Variants in SERPINB7 observed in about 807,000 individuals in gnomAD.
The protein encoded by SERPINB7 is serpin B7.
In SERPINB7, 31 loss-of-function variants were observed where a neutral mutation model predicts 37.4. That is an observed-to-expected ratio of 0.83 (90% CI 0.62 to 1.12). The LOEUF is 1.12. Among genes scored for constraint, SERPINB7 ranks in the 50% most tolerant of loss-of-function variants. The probability of loss-of-function intolerance (pLI) is 0.00; values close to 1 mark genes in which losing one functional copy is unlikely to be tolerated. For missense variants in SERPINB7, 521 were observed against 455.3 expected (o/e 1.14, Z -1.31); for synonymous variants, 163 against 166.1 (o/e 0.98, Z 0.14).
chr18:63,787,006 T>A (rs2049380367), intron 2 of SERPINB7, among the ~76,000 whole-genome samples: 1 of 152,158 alleles, frequency 6.6e-6, no homozygotes, highest in Non-Finnish European at 1.5e-5. Flanking sequence ...TGTTTATACA[T>A]GAGATGGGAT....
chr18:63,790,615 T>C (rs908301025), intron 2 of SERPINB7, among the ~76,000 whole-genome samples: 2 of 152,148 alleles, frequency 1.3e-5, no homozygotes, highest in African/African-American at 4.8e-5. Context: ...AGGGATAATA[T>C]CGAATATTAG....
upstream of SERPINB7, among the ~76,000 whole-genome samples, chr18:63,774,927 T>A (rs1255960873): frequency 6.6e-6 from 1 of 151,958 alleles, no homozygotes; most frequent in East Asian, 1.9e-4. Flanking sequence ...CAGATGAAAA[T>A]CTGAGATTGG....
intron 1 of SERPINB7, among the ~76,000 whole-genome samples, chr18:63,756,115 A>G (rs1040475350): frequency 4.0e-5 from 6 of 149,122 alleles, no homozygotes; most frequent in Admixed American, 6.7e-5. Flanking sequence ...ACACACACAC[A>G]CACTCATATA....
At chr18:63,794,988 C>T (rs933800705) in intron 4 of SERPINB7, among the ~76,000 whole-genome samples, 1 of 152,110 alleles carries the variant, frequency 6.6e-6, no homozygotes, top group Non-Finnish European at 1.5e-5. Flanking sequence ...CATCTTTCCA[C>T]AAAAATATAT....
chr18:63,771,564 C>A (rs186612843), upstream of SERPINB7, among the ~76,000 whole-genome samples: 59 of 151,768 alleles, frequency 3.9e-4, 1 homozygote, highest in East Asian at 8.5e-3. Flanking sequence ...TTGTTTTTTT[C>A]TTAAAGACAG....
At position 63,798,683 on chromosome 18, in the gene SERPINB7, A is replaced by C; in HGVS notation, c.534A>C (p.Lys178Asn). 6.2e-7 allele frequency: 1 copy of C among 1,613,182 alleles called. No homozygotes were observed. Among genetic ancestry groups the C allele is most frequent in the East Asian group, 2.2e-5 (1 of 44,802 alleles). Reference protein sequence around the residue: ...VMVLVNAVYFKGKWQSAFTKS... With the variant: ...VMVLVNAVYFNGKWQSAFTKS... ...TGCTGGTGAATGCTGTGTACTTCAA[A>C]GGCAAGTGGCAATCAGCCTTCACCA... Residue 178 changes from lysine to asparagine, a missense_variant, in exon 6 of 8, where the codon AAA (lysine) becomes AAC (asparagine). Coordinates refer to ENST00000398019, the MANE Select transcript of SERPINB7 (RefSeq NM_003784.4).
At position 63,804,304 on chromosome 18, in the gene SERPINB7, A is replaced by AT; in HGVS notation, c.813dup (p.Val272CysfsTer2). The AT allele has an allele frequency of 6.2e-7, 1 of 1,612,044 alleles. No individual in the cohort carries two copies. The highest frequency in any genetic ancestry group is 2.2e-5 in the East Asian group (1 of 44,874). On this transcript the variant is annotated frameshift_variant, in exon 8 of 8. Transcript: ENST00000398019. LOFTEE classifies it high-confidence loss of function. ...AATCCAAGGCGAATGACCTCTAAGTATGTTGAGGTATTTTTTCCTCAGTTC... is the reference window on the plus strand; with the variant it reads ...AATCCAAGGCGAATGACCTCTAAGTATTGTTGAGGTATTTTTTCCTCAGTTC...
At chr18:63,753,188 C>A (rs2049102169) in intron 1 of SERPINB7, 1 of 152,160 alleles carries the variant, frequency 6.6e-6, no homozygotes, top group Non-Finnish European at 1.5e-5. Flanking sequence ...GGATGGACAG[C>A]CCCTAGTGCC....
chr18:63,774,951 A>G (rs899131511), upstream of SERPINB7, among the ~76,000 whole-genome samples: 2 of 152,154 alleles, frequency 1.3e-5, no homozygotes, highest in East Asian at 3.9e-4. Context: ...ATGATAAAAA[A>G]CATTGTGTGA....
At chr18:63,800,352 G>A (rs2049534141) in intron 6 of SERPINB7, among the ~76,000 whole-genome samples, 1 of 152,068 alleles carries the variant, frequency 6.6e-6, no homozygotes, top group African/African-American at 2.4e-5. Context: ...ATGAGCCACA[G>A]CGCCTGGTCT....
At chr18:63,794,329 C>G (rs1195692143) in intron 4 of SERPINB7, among the ~76,000 whole-genome samples, 2 of 151,950 alleles carry the variant, frequency 1.3e-5, no homozygotes, top group Non-Finnish European at 2.9e-5. Context: ...CCACTGCTAT[C>G]TTTATTCCTT....
intron 1 of SERPINB7, among the ~76,000 whole-genome samples, chr18:63,761,556 T>C (rs561671679): frequency 6.6e-6 from 1 of 152,168 alleles, no homozygotes; most frequent in Non-Finnish European, 1.5e-5. Flanking sequence ...ATGGTTTGAC[T>C]GTGTCCCCAT....
chr18:63,800,059 A>ATTT lies in SERPINB7; in HGVS notation c.598-795_598-793dup, dbSNP rs11347836. ...CTGAGACCTCATGCTTAAATAGCGT[A>ATTT]TTTTTTTTTTTTTTGAGACAGGGTC... On this transcript the variant is annotated intron_variant, in intron 6 of 7. Transcript: ENST00000398019. Among the ~76,000 whole-genome samples the ATTT allele has an allele frequency of 3.0e-3, 434 of 143,782 alleles. 3 individuals carry two copies. The highest frequency in any genetic ancestry group is 0.01 in the African/African-American group (412 of 39,566). 94.3% of individuals were successfully genotyped at this position (143,782 alleles called of 152,430 possible).
intron 7 of SERPINB7, 93 bp downstream of exon 7, chr18:63,801,105 T>A: frequency 7.7e-7 from 1 of 1,292,598 alleles, no homozygotes; most frequent in Non-Finnish European, 1.1e-6. Context: ...GATTTCAGGG[T>A]ATTGAGATAC....
At chr18:63,795,702 A>T (rs2049480756) in intron 4 of SERPINB7, among the ~76,000 whole-genome samples, 1 of 152,214 alleles carries the variant, frequency 6.6e-6, no homozygotes, top group Non-Finnish European at 1.5e-5. Flanking sequence ...TATATGGGCC[A>T]TTTCAGGCAG....
intron 1 of SERPINB7, among the ~76,000 whole-genome samples, chr18:63,760,991 G>A (rs747409694): frequency 2.6e-5 from 4 of 152,232 alleles, no homozygotes; most frequent in Non-Finnish European, 4.4e-5. Context: ...GCCTAGTGGG[G>A]CTGTGAGAAG....
chr18:63,759,543 TCTCC>T (rs2049141036), intron 1 of SERPINB7, among the ~76,000 whole-genome samples: 1 of 152,134 alleles, frequency 6.6e-6, no homozygotes, highest in African/African-American at 2.4e-5. Flanking sequence ...CTATTTGTTT[TCTCC>T]CTCTCTGCCT....
chr18:63,792,589 C>G (rs762593208), intron 3 of SERPINB7, 146 bp downstream of exon 3: 5 of 559,280 alleles, frequency 8.9e-6, no homozygotes, highest in Non-Finnish European at 9.5e-6. Context: ...ATGGCAAAAC[C>G]CCATCTCTGC....
chr18:63,783,221 AG>A (rs1568207765), intron 2 of SERPINB7, among the ~76,000 whole-genome samples: 1,938 of 76,690 alleles, frequency 0.025, 15 homozygotes, highest in Admixed American at 0.038. Flanking sequence ...AGAGAGAGAG[AG>A]AGAGAGAGAG....
Sources: gnomAD v4.1 joint callset for allele counts (sites outside exome capture counted in the v4.1 genomes callset) on GRCh38, gnomAD v4.1.1 for gene constraint, MANE v1.5 for transcripts, NCBI Gene and HGNC (gene_info 2026-07-23, HGNC 2026-07-21) for gene names.